TMEM161B: variants seen among roughly 807,000 people sequenced by gnomAD.
TMEM161B encodes the protein transmembrane protein 161B.
Under a neutral mutation model 61.8 loss-of-function variants are expected in TMEM161B, and 34 were observed. That is an observed-to-expected ratio of 0.55 (90% CI 0.42 to 0.73). The LOEUF is 0.73. Among genes scored for constraint, TMEM161B ranks in the 30% least tolerant of loss-of-function variants. The probability of loss-of-function intolerance (pLI) is 0.00; values close to 1 mark genes in which losing one functional copy is unlikely to be tolerated. For synonymous variants in TMEM161B, 167 were observed against 192.8 expected, an observed-to-expected ratio of 0.87 and a Z score of 1.11; for missense variants, 456 against 558.5, an observed-to-expected ratio of 0.82 and a Z score of 1.85.
chr5:88,231,012 C>G (rs1412298176), intron 2 of TMEM161B, among the ~76,000 whole-genome samples: 1 of 151,940 alleles, frequency 6.6e-6, no homozygotes, highest in Non-Finnish European at 1.5e-5. Context: ...TTAAAATTGT[C>G]CCTATATAAT....
At chr5:88,216,517 G>A (rs1747869853) in intron 5 of TMEM161B, among the ~76,000 whole-genome samples, 2 of 152,188 alleles carry the variant, frequency 1.3e-5, no homozygotes, top group Non-Finnish European at 1.5e-5. Context: ...TATCTCAGAT[G>A]TTTCTCAGCT....
intron 5 of TMEM161B, among the ~76,000 whole-genome samples, chr5:88,211,260 CAG>C (rs1288141301): frequency 6.6e-6 from 1 of 151,624 alleles, no homozygotes; most frequent in Non-Finnish European, 1.5e-5. Flanking sequence ...CATACAGAAA[CAG>C]ATACATACAT....
intron 2 of TMEM161B, among the ~76,000 whole-genome samples, chr5:88,233,135 C>T (rs1350343163): frequency 1.3e-5 from 2 of 152,176 alleles, no homozygotes; most frequent in Non-Finnish European, 2.9e-5. Flanking sequence ...CTCTGCTAGG[C>T]AGAGGAGATA....
chr5:88,208,939 A>G (rs1322107460), intron 5 of TMEM161B, among the ~76,000 whole-genome samples: 2 of 152,238 alleles, frequency 1.3e-5, no homozygotes, highest in African/African-American at 2.4e-5. Flanking sequence ...ATCCTTTCAT[A>G]TATATCTCAC....
chr5:88,226,753 T>G (rs1235894941), intron 3 of TMEM161B, among the ~76,000 whole-genome samples: 2 of 152,204 alleles, frequency 1.3e-5, no homozygotes, highest in Admixed American at 1.3e-4. Context: ...TGTATCTTTT[T>G]GTAACTATAA....
chr5:88,234,676 A>C (rs1435402944), intron 2 of TMEM161B, among the ~76,000 whole-genome samples: 1 of 152,158 alleles, frequency 6.6e-6, no homozygotes, highest in South Asian at 2.1e-4. Context: ...TACAGATATA[A>C]AAGTCATTAG....
In TMEM161B at chr5:88,195,382, T is replaced by C. The variant is rs1416167917; in HGVS notation, c.*829A>G. On this transcript the variant is annotated 3_prime_UTR_variant, in exon 12 of 12. Coordinates refer to ENST00000296595, the MANE Select transcript of TMEM161B (RefSeq NM_153354.5). Reference sequence around the variant, plus strand: ...TTATATATTTAATATATAATATATATACAATACATACAGGTAGTCAGCAGG... The same window carrying C: ...TTATATATTTAATATATAATATATACACAATACATACAGGTAGTCAGCAGG... 3 of 745,956 alleles carry C rather than the reference T, an allele frequency of 4.0e-6. No individual in the cohort carries two copies. Among genetic ancestry groups the C allele is most frequent in the Non-Finnish European group, 3.3e-6 (2 of 614,136 alleles). 46.2% of individuals were successfully genotyped at this position (745,956 alleles called of 1,614,324 possible). A position where few individuals can be genotyped will look rare whatever the true frequency, so the allele number is the denominator to read the frequency against.
chr5:88,211,959 CCCA>C (rs1269719994), intron 5 of TMEM161B, among the ~76,000 whole-genome samples: 1 of 151,960 alleles, frequency 6.6e-6, no homozygotes, highest in Non-Finnish European at 1.5e-5. Context: ...CTACCAAAAG[CCCA>C]CCACAAGGAA....
At chr5:88,213,015 T>C (rs571753173) in intron 5 of TMEM161B, among the ~76,000 whole-genome samples, 12 of 152,322 alleles carry the variant, frequency 7.9e-5, no homozygotes, top group East Asian at 3.9e-4. Context: ...AAACTGAGTT[T>C]TTCTATTCTG....
chr5:88,237,948 C>T (rs191751009), intron 2 of TMEM161B, among the ~76,000 whole-genome samples: 184 of 152,118 alleles, frequency 1.2e-3, no homozygotes, highest in Non-Finnish European at 2.1e-3. Context: ...ACAATTGTCC[C>T]CAGGTATCTG....
intron 4 of TMEM161B, among the ~76,000 whole-genome samples, chr5:88,225,175 G>A (rs140542048): frequency 6.6e-6 from 1 of 151,890 alleles, no homozygotes; most frequent in African/African-American, 2.4e-5. Context: ...CACCACATTA[G>A]CCAGGATGGT....
chr5:88,221,537 C>T (rs746006266), intron 4 of TMEM161B: 9 of 357,256 alleles, frequency 2.5e-5, no homozygotes, highest in Non-Finnish European at 4.4e-5. Flanking sequence ...ACCTCTTATA[C>T]CCTATTTTGT....
Position 88,196,037 on chromosome 5 carries a change from T to C in TMEM161B, c.*174A>G. 17 of 1,392,050 alleles carry C rather than the reference T, an allele frequency of 1.2e-5. No homozygotes were observed. Among genetic ancestry groups the C allele is most frequent in the Admixed American group, 3.3e-5 (1 of 30,736 alleles). The allele number at this position is 1,392,050 out of a possible 1,614,324, so 86.2% of individuals were successfully genotyped here. ...TAACAATCTATTTTGTAATTTTAAA[T>C]ATTACTACATTAATTCACCCTGAGA... On this transcript the variant is annotated 3_prime_UTR_variant, in exon 12 of 12. Coordinates refer to ENST00000296595, the MANE Select transcript of TMEM161B (RefSeq NM_153354.5).
chr5:88,219,514 A>G (rs958563333), intron 5 of TMEM161B, among the ~76,000 whole-genome samples: 2 of 152,132 alleles, frequency 1.3e-5, no homozygotes, highest in Non-Finnish European at 2.9e-5. Flanking sequence ...AGTAAAAGAC[A>G]TGAGTTTTCA....
downstream of TMEM161B, among the ~76,000 whole-genome samples, chr5:88,193,464 C>T (rs951008336): frequency 1.3e-5 from 2 of 152,036 alleles, no homozygotes; most frequent in African/African-American, 2.4e-5. Flanking sequence ...AAGAACATAA[C>T]TCTTGGTTCA....
In TMEM161B at chr5:88,268,741, G is replaced by A; in HGVS notation, c.-18C>T. 6.2e-7 allele frequency: 1 copy of A among 1,614,072 alleles called. No individual in the cohort carries two copies. Among genetic ancestry groups the A allele is most frequent in the Non-Finnish European group, 8.5e-7 (1 of 1,179,976 alleles). ...CTCACCATGGCGCCTAGGATAGGTCGTGGACCAGACACCCTGGAGTTGCCG... is the reference window on the plus strand; with the variant it reads ...CTCACCATGGCGCCTAGGATAGGTCATGGACCAGACACCCTGGAGTTGCCG... On this transcript the variant is annotated 5_prime_UTR_variant, in exon 1 of 12. It adds an upstream start codon to the 5' untranslated region. Coordinates refer to ENST00000296595, the MANE Select transcript of TMEM161B (RefSeq NM_153354.5).
intron 2 of TMEM161B, 62 bp downstream of exon 2, chr5:88,240,751 T>C: frequency 1.6e-6 from 2 of 1,237,392 alleles, no homozygotes; most frequent in Non-Finnish European, 2.4e-6. Flanking sequence ...ACTAGGAATT[T>C]AATCAGTTTG....
chr5:88,251,486 T>TAGGA (rs1754337837), intron 1 of TMEM161B, among the ~76,000 whole-genome samples: 1 of 152,126 alleles, frequency 6.6e-6, no homozygotes, highest in African/African-American at 2.4e-5. Flanking sequence ...CAGGGGGGAT[T>TAGGA]AGTTTTAGGA....
rs748166740 is a variant in TMEM161B at position 88,202,990 on chromosome 5, G to A, written c.886C>T (p.Pro296Ser). The A allele has an allele frequency of 2.9e-5, 47 of 1,611,176 alleles. No individual in the cohort carries two copies. In the South Asian group the frequency reaches 5.1e-4, roughly 17 times the overall value. ...KPITKDYIMN[P>S]PLGKESIPLM... ...GGGATACTTTCTTTGCCCAGTGGTG[G>A]GTTCATAATGTAGTCTTTGGTGATT... is the stretch of plus-strand genomic sequence containing the variant. The change falls in exon 9 of 12, where the codon CCA (proline) becomes TCA (serine). Residue 296 changes from proline (P) to serine (S), a missense_variant. Pro to Ser is a moderately conservative substitution (Grantham distance 74). Coordinates refer to ENST00000296595, the MANE Select transcript of TMEM161B (RefSeq NM_153354.5).
Sources: gnomAD v4.1 joint callset for allele counts (sites outside exome capture counted in the v4.1 genomes callset) on GRCh38, gnomAD v4.1.1 for gene constraint, MANE v1.5 for transcripts, NCBI Gene and HGNC (gene_info 2026-07-23, HGNC 2026-07-21) for gene names.